The following SUMF2 variants were observed in gnomAD, a reference collection of about 807,000 sequenced individuals.
SUMF2 encodes sulfatase modifying factor 2, also known as inactive C-alpha-formylglycine-generating enzyme 2.
In SUMF2, 45 loss-of-function variants were observed where a neutral mutation model predicts 44.8. The ratio of observed to expected loss-of-function variants is 1.00; its 90% CI spans 0.79 to 1.29. SUMF2 has a LOEUF of 1.29. Ranked by LOEUF, SUMF2 falls within the 50% of genes most tolerant of loss-of-function variation. The pLI is 0.00. For missense variants in SUMF2, 418 were observed against 389.9 expected (o/e 1.07, Z -0.61); for synonymous variants, 148 against 150.4 (o/e 0.98, Z 0.12).
At chr7:56,066,818 C>T (rs1301204809) in intron 1 of SUMF2, among the ~76,000 whole-genome samples, 1 of 152,206 alleles carries the variant, frequency 6.6e-6, no homozygotes, top group Non-Finnish European at 1.5e-5. Flanking sequence ...TGGGGTTTCG[C>T]CATGTTGGCC....
intron 4 of SUMF2, 42 bp from the exon 5 acceptor site, chr7:56,074,544 A>G (rs1795403338): frequency 6.2e-7 from 1 of 1,606,226 alleles, no homozygotes; most frequent in Admixed American, 1.7e-5. Flanking sequence ...CTCCGACTTA[A>G]TGCGCTCCCG....
Position 56,077,976 on chromosome 7 carries a change from C to G in SUMF2, c.592-126C>G, listed in dbSNP as rs977435826. ...GGAGCTCTAGATAGGAATCTTAGGT[C>G]ACCGCCCCGTGCCCTTCCCCTTCCC... On this transcript the variant is annotated intron_variant, in intron 6 of 8. Transcript: ENST00000434526. The G allele has an allele frequency of 4.0e-6, 3 of 744,000 alleles. No individual in the cohort carries two copies. The South Asian group carries it at 5.2e-5, about 13-fold the overall frequency. The allele number at this position is 744,000 out of a possible 1,614,324, so 46.1% of individuals were successfully genotyped here.
At chr7:56,065,420 T>C (rs1176460609) in intron 1 of SUMF2, among the ~76,000 whole-genome samples, 2 of 152,104 alleles carry the variant, frequency 1.3e-5, no homozygotes, top group South Asian at 2.1e-4. Flanking sequence ...ACCTAAAAAA[T>C]TGACAGTGCT....
the SUMF2 span, among the ~76,000 whole-genome samples, chr7:56,086,158 CCT>C: frequency 6.6e-6 from 1 of 151,460 alleles, no homozygotes; most frequent in Non-Finnish European, 1.5e-5. Context: ...TAAGGAAGCC[CCT>C]GTCTCTTGCT....
chr7:56,070,004 G>A (rs1795056150), intron 2 of SUMF2, among the ~76,000 whole-genome samples: 1 of 152,050 alleles, frequency 6.6e-6, no homozygotes, highest in South Asian at 2.1e-4. Context: ...CACCTCCTGG[G>A]TTCAAGCGAT....
downstream of SUMF2, chr7:56,081,530 T>C: frequency 1.4e-6 from 2 of 1,403,374 alleles, no homozygotes; most frequent in Admixed American, 1.8e-5. The surrounding 1 kb of genome is among the most constrained non-coding windows in gnomAD (Gnocchi z 4.6). Flanking sequence ...GAGGGATGGG[T>C]ACTCTGGAAA....
At position 56,080,042 on chromosome 7, in the gene SUMF2, AAGG is replaced by A; in HGVS notation, c.*433_*435del. 1 of 665,690 alleles carries A rather than the reference AAGG, an allele frequency of 1.5e-6. No individual in the cohort carries two copies. The highest frequency in any genetic ancestry group is 3.1e-5 in the Admixed American group (1 of 32,776). The allele number at this position is 665,690 out of a possible 1,614,324, so 41.2% of individuals were successfully genotyped here. A position where few individuals can be genotyped will look rare whatever the true frequency, so the allele number is the denominator to read the frequency against. On this transcript the variant is annotated 3_prime_UTR_variant, in exon 9 of 9. Transcript: ENST00000434526. ...CTGTTTTCTCAGCCAGTTGCTGTGG[AAGG>A]AGAATGCTTTCTTTGTGGCCTCATC... is the stretch of plus-strand genomic sequence containing the variant.
chr7:56,064,830 C>T (rs1239115344), intron 1 of SUMF2, among the ~76,000 whole-genome samples: 1 of 140,738 alleles, frequency 7.1e-6, no homozygotes, highest in African/African-American at 2.7e-5. Flanking sequence ...TTGCAGTGAG[C>T]CGAGATCGTG....
At position 56,072,901 on chromosome 7, in the gene SUMF2, T is replaced by TTACA. The variant is rs1795272076; in HGVS notation, c.225-95_225-92dup. The TTACA allele has an allele frequency of 6.1e-6, 5 of 817,758 alleles. No homozygotes were observed. In the South Asian group the frequency reaches 7.8e-5, roughly 13 times the overall value. 50.7% of individuals were successfully genotyped at this position (817,758 alleles called of 1,614,324 possible). A position where few individuals can be genotyped will look rare whatever the true frequency, so the allele number is the denominator to read the frequency against. On this transcript the variant is annotated intron_variant, in intron 2 of 8. Coordinates refer to ENST00000434526, the MANE Select transcript of SUMF2 (RefSeq NM_015411.4). ...TCATGAACACTCTGTGGTGTATAACTTACAGGACAGGGATATCTGAAGTTT... is the reference window on the plus strand; with the variant it reads ...TCATGAACACTCTGTGGTGTATAACTTACATACAGGACAGGGATATCTGAAGTTT...
chr7:56,073,075 T>C lies in SUMF2; in HGVS notation c.303T>C (p.Ser101=), dbSNP rs989390057. ...GCTTTGTCTTTGAGGACTTTGTCTC[T>C]GATGAGCTGAGAAACAAAGCCACCC... is the stretch of plus-strand genomic sequence containing the variant. ...GWSFVFEDFV[S]DELRNKATQP... Residue 101 remains serine, a synonymous_variant, in exon 3 of 9, where the codon TCT becomes TCC. Coordinates refer to ENST00000434526, the MANE Select transcript of SUMF2 (RefSeq NM_015411.4). The C allele has an allele frequency of 1.2e-6, 2 of 1,614,096 alleles. No homozygotes were observed. The highest frequency in any genetic ancestry group is 1.7e-6 in the Non-Finnish European group (2 of 1,180,006).
At chr7:56,066,164 G>A (rs1159521472) in intron 1 of SUMF2, among the ~76,000 whole-genome samples, 3 of 151,224 alleles carry the variant, frequency 2.0e-5, no homozygotes, top group Admixed American at 6.6e-5. Context: ...ATCACTGAGA[G>A]TGTGTCAGAA....
At chr7:56,066,496 G>T (rs1329535979) in intron 1 of SUMF2, among the ~76,000 whole-genome samples, 2 of 152,138 alleles carry the variant, frequency 1.3e-5, no homozygotes, top group Non-Finnish European at 2.9e-5. Context: ...CTCCAGGCTG[G>T]AGTGCAGTGG....
At chr7:56,074,365 GT>G (rs1795389926) in intron 4 of SUMF2, 147 bp downstream of exon 4, 1 of 1,033,404 alleles carries the variant, frequency 9.7e-7, no homozygotes, top group Admixed American at 2.4e-5. Context: ...CAGCAGGCCT[GT>G]TTCACCTGCC....
chr7:56,086,547 G>A, the SUMF2 span, among the ~76,000 whole-genome samples: 8 of 151,858 alleles, frequency 5.3e-5, no homozygotes, highest in Non-Finnish European at 7.4e-5. Context: ...GGAGTTCAAC[G>A]GCGTGATCTC....
intron 7 of SUMF2, 64 bp from the exon 8 acceptor site, chr7:56,078,300 C>T: frequency 6.4e-7 from 1 of 1,560,700 alleles, no homozygotes; most frequent in South Asian, 1.2e-5. Flanking sequence ...CCCCCAGGAC[C>T]TCAGAGGGTA....
chr7:56,065,185 C>A (rs1313391600), intron 1 of SUMF2, among the ~76,000 whole-genome samples: 2 of 131,918 alleles, frequency 1.5e-5, no homozygotes, highest in Admixed American at 7.8e-5. Context: ...AGCGAGACTC[C>A]GTCTCAAAAA....
At position 56,074,503 on chromosome 7, in the gene SUMF2, G is replaced by A. The variant is rs1795400341; in HGVS notation, c.385-83G>A. The A allele has an allele frequency of 2.6e-6, 4 of 1,549,930 alleles. No homozygotes were observed. In the African/African-American group the frequency reaches 4.1e-5, roughly 16 times the overall value. On this transcript the variant is annotated intron_variant, in intron 4 of 8. Transcript: ENST00000434526. ...TCTCTTGCTCCATCTAGTGGTAAAA[G>A]CTGAACGCGGGCGCCCTAAACCTAG...
In SUMF2 at chr7:56,079,645, T is replaced by C. The variant is rs747241752; in HGVS notation, c.*33T>C. On this transcript the variant is annotated 3_prime_UTR_variant, in exon 9 of 9. Coordinates refer to ENST00000434526, the MANE Select transcript of SUMF2 (RefSeq NM_015411.4). ...GGTGGTGACAAGGAGAAAAGCCTTCTAGGGTCACTGTCATTCCCTGGCCAT... is the reference window on the plus strand; with the variant it reads ...GGTGGTGACAAGGAGAAAAGCCTTCCAGGGTCACTGTCATTCCCTGGCCAT... 6.2e-7 allele frequency: 1 copy of C among 1,614,192 alleles called. No individual in the cohort carries two copies. Among genetic ancestry groups the C allele is most frequent in the Non-Finnish European group, 8.5e-7 (1 of 1,180,020 alleles).
chr7:56,073,825 A>G (rs1375656614), intron 3 of SUMF2: 2 of 267,454 alleles, frequency 7.5e-6, no homozygotes, highest in East Asian at 1.9e-4. Context: ...AGCCTGGGCA[A>G]CATAGATCCC....
Sources: gnomAD v4.1 joint callset for allele counts (sites outside exome capture counted in the v4.1 genomes callset) on GRCh38, gnomAD v4.1.1 for gene constraint, Gnocchi (gnomAD v3.1) non-coding constraint, MANE v1.5 for transcripts, NCBI Gene and HGNC (gene_info 2026-07-23, HGNC 2026-07-21) for gene names.